Variants in TOP3A observed in about 807,000 individuals in gnomAD.
The protein encoded by TOP3A is DNA topoisomerase 3-alpha.
A neutral mutation model predicts 111.3 loss-of-function variants in TOP3A; 64 were observed. The ratio of observed to expected loss-of-function variants is 0.57; its 90% CI spans 0.47 to 0.71. The LOEUF (loss-of-function observed/expected upper bound fraction) is 0.71. Among genes scored for constraint, TOP3A ranks in the 30% least tolerant of loss-of-function variants. The pLI is 0.00. For synonymous variants in TOP3A, 484 were observed against 485.1 expected (o/e 1.00, Z 0.03); for missense variants, 1,104 against 1,285.0 (o/e 0.86, Z 2.15).
chr17:18,307,090 G>T (rs1280327486), intron 3 of TOP3A, 124 bp from the exon 4 acceptor site: 2 of 654,382 alleles, frequency 3.1e-6, no homozygotes, highest in East Asian at 5.5e-5. Flanking sequence ...CCGGTGAATT[G>T]AAAGTAAGGC....
In TOP3A at chr17:18,282,638, C is replaced by G. The variant is rs182163758; in HGVS notation, c.2021+60G>C. 187 of 1,605,108 alleles carry G rather than the reference C, an allele frequency of 1.2e-4. 1 individual carries two copies. The Middle Eastern group carries it at 2.2e-3, about 19-fold the overall frequency. On this transcript the variant is annotated intron_variant, in intron 16 of 18. Coordinates refer to ENST00000321105, the MANE Select transcript of TOP3A (RefSeq NM_004618.5). ...GAGTGAAATGGCAGGGTCTTTCGAGCTACGGCTGACACCGCAGGTGCTGGG... is the reference window on the plus strand; with the variant it reads ...GAGTGAAATGGCAGGGTCTTTCGAGGTACGGCTGACACCGCAGGTGCTGGG...
At chr17:18,282,495 T>G (rs575336037) in intron 16 of TOP3A, among the ~76,000 whole-genome samples, 2 of 152,354 alleles carry the variant, frequency 1.3e-5, no homozygotes, top group Admixed American at 6.5e-5. Flanking sequence ...GTTTCTCACC[T>G]GCTCTGAATT....
chr17:18,308,727 T>A, intron 2 of TOP3A, 155 bp downstream of exon 2: 1 of 490,608 alleles, frequency 2.0e-6, no homozygotes, highest in Non-Finnish European at 3.6e-6. Context: ...AAAAGAGAAC[T>A]CCTCATAAAT....
At chr17:18,299,829 C>T (rs1318057453) in intron 8 of TOP3A, among the ~76,000 whole-genome samples, 196 bp from the exon 9 acceptor site, 2 of 152,236 alleles carry the variant, frequency 1.3e-5, no homozygotes, top group Non-Finnish European at 2.9e-5. Flanking sequence ...TACTTTCCCA[C>T]TCAAACCAAG....
At chr17:18,306,785 T>C in intron 4 of TOP3A, 106 bp downstream of exon 4, 1 of 778,982 alleles carries the variant, frequency 1.3e-6, no homozygotes, top group Non-Finnish European at 2.1e-6. Context: ...GTAGTGACTT[T>C]GGTGGAAAAC....
intron 9 of TOP3A, among the ~76,000 whole-genome samples, chr17:18,297,442 C>CTGTCCCTCTCCCCACGGTCTCCT (rs1467852533): frequency 4.6e-5 from 7 of 150,558 alleles, no homozygotes; most frequent in African/African-American, 1.7e-4. Flanking sequence ...GTCCCTGTCC[C>CTGTCCCTCTCCCCACGGTCTCCT]TCTCCCTCTC....
chr17:18,277,388 G>A (rs1309214779), intron 18 of TOP3A, among the ~76,000 whole-genome samples: 1 of 152,170 alleles, frequency 6.6e-6, no homozygotes, highest in Non-Finnish European at 1.5e-5. Context: ...TGATCATAAT[G>A]CTTACCCAAT....
rs2142992857 is a variant in TOP3A at position 18,314,915 on chromosome 17, T to C, written c.-137A>G. On this transcript the variant is annotated 5_prime_UTR_variant, in exon 1 of 19. Coordinates refer to ENST00000321105, the MANE Select transcript of TOP3A (RefSeq NM_004618.5). ...ACGTCCCCACCAGCCTGCTGGCCTT[T>C]GGAGCTTCAGTCACTGAGCCTTTCC... 3 of 339,800 alleles carry C rather than the reference T, an allele frequency of 8.8e-6. No individual in the cohort carries two copies. The highest frequency in any genetic ancestry group is 1.0e-5 in the Non-Finnish European group (2 of 192,474). 21.0% of individuals were successfully genotyped at this position (339,800 alleles called of 1,614,324 possible).
chr17:18,275,553 C>T (rs548078927), intron 18 of TOP3A, among the ~76,000 whole-genome samples: 8 of 150,818 alleles, frequency 5.3e-5, no homozygotes, highest in East Asian at 2.0e-4. Context: ...TTAGTAGAGA[C>T]GGGTTTCATC....
intron 9 of TOP3A, among the ~76,000 whole-genome samples, chr17:18,296,960 A>C (rs553251985): frequency 6.6e-6 from 1 of 152,346 alleles, no homozygotes; most frequent in East Asian, 1.9e-4. Flanking sequence ...CAACATGAAA[A>C]AAATGCTTGG....
At chr17:18,289,374 G>A (rs1337242332) in intron 13 of TOP3A, among the ~76,000 whole-genome samples, 1 of 151,674 alleles carries the variant, frequency 6.6e-6, no homozygotes, top group East Asian at 1.9e-4. Flanking sequence ...GAGTTTTGCT[G>A]TTGTTGCCCA....
chr17:18,307,930 AC>A (rs1981682947), intron 3 of TOP3A, among the ~76,000 whole-genome samples: 1 of 135,814 alleles, frequency 7.4e-6, no homozygotes, highest in Non-Finnish European at 1.6e-5. Flanking sequence ...AAAAAAAAAA[AC>A]CGGGCATGGT....
chr17:18,277,840 C>A lies in TOP3A; in HGVS notation c.2662G>T (p.Gly888Cys). ...GATGTGCCACTACCACTGCCATCAC[C>A]AGGGTTGCCAAACCCACCTAGGTGG... ...GIHLGGFGNP[G>C]DGSGSGTSCL... The change falls in exon 18 of 19, where the codon GGT becomes TGT. Residue 888 changes from glycine to cysteine, a missense_variant. Transcript: ENST00000321105. The A allele has an allele frequency of 6.2e-6, 10 of 1,614,160 alleles. No individual in the cohort carries two copies. Among genetic ancestry groups the A allele is most frequent in the Non-Finnish European group, 8.5e-6 (10 of 1,180,030 alleles).
intron 18 of TOP3A, among the ~76,000 whole-genome samples, chr17:18,276,999 C>G (rs1483557713): frequency 6.6e-6 from 1 of 152,120 alleles, no homozygotes; most frequent in African/African-American, 2.4e-5. Context: ...GCCTAACCAA[C>G]AGGGTGAAAC....
At position 18,272,688 on chromosome 17, in the gene TOP3A, A is replaced by T. The variant is rs1460067217; in HGVS notation, c.*2114T>A. 1.4e-5 allele frequency: 2 copies of T among 148,064 alleles called. No individual in the cohort carries two copies. Among genetic ancestry groups the T allele is most frequent in the East Asian group, 2.0e-4 (1 of 5,044 alleles). 9.2% of individuals were successfully genotyped at this position (148,064 alleles called of 1,614,324 possible). ...AGGATGTCATGTATGGTAGGATTTC[A>T]TTTTTTTTTTTTTCTTGAGACAGAG... On this transcript the variant is annotated 3_prime_UTR_variant, in exon 19 of 19. Coordinates refer to ENST00000321105, the MANE Select transcript of TOP3A (RefSeq NM_004618.5).
chr17:18,276,719 C>G (rs894487771), intron 18 of TOP3A, among the ~76,000 whole-genome samples: 2 of 152,212 alleles, frequency 1.3e-5, no homozygotes, highest in Admixed American at 1.3e-4. Context: ...TACTTAAGCT[C>G]TGTTGTGCAC....
At chr17:18,307,924 A>C (rs1219893574) in intron 3 of TOP3A, among the ~76,000 whole-genome samples, 1 of 150,098 alleles carries the variant, frequency 6.7e-6, no homozygotes, top group South Asian at 2.1e-4. Context: ...AAAAAAAAAA[A>C]AAAAAACCGG....
At chr17:18,286,214 A>AAAAAAAGG (rs1980088300) in intron 13 of TOP3A, among the ~76,000 whole-genome samples, 1 of 150,694 alleles carries the variant, frequency 6.6e-6, no homozygotes, top group Non-Finnish European at 1.5e-5. Context: ...AAAAAAGAAA[A>AAAAAAAGG]AAAAAAGGGC....
chr17:18,293,362 T>C (rs1980598380), intron 10 of TOP3A, among the ~76,000 whole-genome samples: 1 of 152,118 alleles, frequency 6.6e-6, no homozygotes, highest in South Asian at 2.1e-4. Context: ...CTTGGCTCAC[T>C]GTGGCCTCCG....
Sources: gnomAD v4.1 joint callset for allele counts (sites outside exome capture counted in the v4.1 genomes callset) on GRCh38, gnomAD v4.1.1 for gene constraint, MANE v1.5 for transcripts, NCBI Gene and HGNC (gene_info 2026-07-23, HGNC 2026-07-21) for gene names.